WIPF1: variants seen among roughly 807,000 people sequenced by gnomAD.
The protein encoded by WIPF1 is WAS/WASL interacting protein family member 1, also known as WAS/WASL-interacting protein family member 1.
Under a neutral mutation model 35.4 loss-of-function variants are expected in WIPF1, and 13 were observed. The ratio of observed to expected loss-of-function variants is 0.37; its 90% CI spans 0.24 to 0.58. The LOEUF is 0.58. Ranked by LOEUF, WIPF1 falls within the 20% of genes least tolerant of loss-of-function variation. WIPF1 has a pLI of 0.74. For synonymous variants in WIPF1, 267 were observed against 266.3 expected (o/e 1.00, Z -0.02); for missense variants, 591 against 667.0 (o/e 0.89, Z 1.25).
At chr2:174,610,424 C>A (rs577758694) in intron 1 of WIPF1, among the ~76,000 whole-genome samples, 1 of 152,108 alleles carries the variant, frequency 6.6e-6, no homozygotes, top group African/African-American at 2.4e-5. Flanking sequence ...ATGTAAAAAG[C>A]AGCTCCATGA....
intron 1 of WIPF1, among the ~76,000 whole-genome samples, chr2:174,608,592 C>A (rs1686247522): frequency 6.6e-6 from 1 of 151,960 alleles, no homozygotes. Context: ...TATAAGTGGC[C>A]CCCAGGGGAA....
intron 1 of WIPF1, among the ~76,000 whole-genome samples, chr2:174,614,247 G>A (rs1686440145): frequency 6.6e-6 from 1 of 152,166 alleles, no homozygotes; most frequent in South Asian, 2.1e-4. Flanking sequence ...TCCAAGAGCC[G>A]AATGCCGAGC....
intron 1 of WIPF1, among the ~76,000 whole-genome samples, chr2:174,624,521 A>G (rs1686770598): frequency 6.6e-6 from 1 of 152,218 alleles, no homozygotes. Context: ...CCTAGACGCC[A>G]ATCCAAATTT....
intron 1 of WIPF1, among the ~76,000 whole-genome samples, chr2:174,586,002 A>G (rs1685407741): frequency 6.6e-6 from 1 of 152,106 alleles, no homozygotes; most frequent in Non-Finnish European, 1.5e-5. Context: ...TTCCATGACA[A>G]TCCTTTCATG....
chr2:174,597,211 AC>A (rs1197467819), intron 1 of WIPF1, among the ~76,000 whole-genome samples: 1 of 152,216 alleles, frequency 6.6e-6, no homozygotes, highest in African/African-American at 2.4e-5. Context: ...GGCTCCTTGT[AC>A]TTTAAAGCAC....
rs1463533502 is a variant in WIPF1 at position 174,572,374 on chromosome 2, G to T, written c.431C>A (p.Pro144Gln). ...RSTSAKPFSPPSGPGRFPVPS... is the reference protein window; with the variant it reads ...RSTSAKPFSPQSGPGRFPVPS... ...CACAGGAAACCTCCCTGGGCCACTTGGGGGTGAAAAGGGTTTCGCAGATGT... is the reference window on the plus strand; with the variant it reads ...CACAGGAAACCTCCCTGGGCCACTTTGGGGTGAAAAGGGTTTCGCAGATGT... The change falls in exon 5 of 8, where the codon CCA becomes CAA. Residue 144 changes from proline to glutamine, a missense_variant. Pro to Gln is a moderately conservative substitution (Grantham distance 76, BLOSUM62 -1). Around this residue, in one of 3 missense-constraint regions of WIPF1, gnomAD observed 471 missense variants for 501.1 expected, o/e 0.94. Transcript: ENST00000679041. 12 of 1,614,050 alleles carry T rather than the reference G, an allele frequency of 7.4e-6. No homozygotes were observed. The highest frequency in any genetic ancestry group is 1.0e-5 in the Non-Finnish European group (12 of 1,180,022).
intron 1 of WIPF1, among the ~76,000 whole-genome samples, chr2:174,616,378 A>AC (rs1044974083): frequency 6.6e-6 from 1 of 152,134 alleles, no homozygotes; most frequent in Admixed American, 6.5e-5. Context: ...TCTTCACGAG[A>AC]CAGGGAGGCC....
chr2:174,569,742 C>T (rs1372263042), intron 5 of WIPF1, among the ~76,000 whole-genome samples: 1 of 152,132 alleles, frequency 6.6e-6, no homozygotes, highest in Non-Finnish European at 1.5e-5. Flanking sequence ...CTGAGAGGTA[C>T]AGGGATAGGA....
rs751679156 is a variant in WIPF1 at position 174,559,919 on chromosome 2, A to G, written c.*2628T>C. 6.6e-6 allele frequency: 1 copy of G among 152,642 alleles called. No homozygotes were observed. Among genetic ancestry groups the G allele is most frequent in the Non-Finnish European group, 1.5e-5 (1 of 68,008 alleles). 9.5% of individuals were successfully genotyped at this position (152,642 alleles called of 1,614,324 possible). The stretch of plus-strand genomic sequence containing the variant: ...ATAAAAAAAAGTTGATTTCTTTTAA[A>G]TCACAAAGTAAGGCACCATTGGATT... On this transcript the variant is annotated 3_prime_UTR_variant, in exon 8 of 8. Transcript: ENST00000679041.
At chr2:174,634,444 G>C (rs1687123158) in intron 1 of WIPF1, 1 of 152,200 alleles carries the variant, frequency 6.6e-6, no homozygotes, top group Non-Finnish European at 1.5e-5. Context: ...AATCGTTAAA[G>C]ACAGTTCAAG....
At chr2:174,660,318 A>C (rs1023206013) in intron 1 of WIPF1, among the ~76,000 whole-genome samples, 44 of 152,186 alleles carry the variant, frequency 2.9e-4, no homozygotes, top group African/African-American at 1.0e-3. Flanking sequence ...CGTGACCCTA[A>C]GCAGGTTGCC....
At chr2:174,572,497 A>G in intron 4 of WIPF1, 51 bp from the exon 5 acceptor site, 1 of 1,608,938 alleles carries the variant, frequency 6.2e-7, no homozygotes, top group Non-Finnish European at 8.5e-7. Flanking sequence ...ACCCTGAAGA[A>G]ATCAGAGAGC....
Position 174,571,185 on chromosome 2 carries a change from G to A in WIPF1, c.1129+491C>T, listed in dbSNP as rs1684820273. The A allele has an allele frequency of 4.6e-6, 1 of 216,126 alleles. No homozygotes were observed. 13.4% of individuals were successfully genotyped at this position (216,126 alleles called of 1,614,324 possible). On this transcript the variant is annotated intron_variant, in intron 5 of 7. Coordinates refer to ENST00000679041, the MANE Select transcript of WIPF1 (RefSeq NM_001375834.1). This position sits in a 1 kb window ranked among gnomAD's most constrained non-coding sequence, Gnocchi z 4.6. ...AGCAAAATGGACTTTTTAAACATTA[G>A]TCTTTAATGAATAGGGAAATGGCCT...
At chr2:174,673,775 A>C (rs1258854493) in intron 1 of WIPF1, 1 of 152,112 alleles carries the variant, frequency 6.6e-6, no homozygotes, top group African/African-American at 2.4e-5. Context: ...ATTCTTTTTA[A>C]AACAGGACTT....
rs571135647 is a variant in WIPF1, at chr2:174,625,802, T to C, written c.-38-40191A>G. On this transcript the variant is annotated intron_variant, in intron 1 of 8. Transcript: ENST00000272746. ...ACAAAAAGTGACTTCAGAAGTCAAA[T>C]GTAACTCAATAGTCTTACATGCTTA... is the stretch of plus-strand genomic sequence containing the variant. 3.3e-5 allele frequency: 5 copies of C among 152,318 alleles called. No homozygotes were observed. In the South Asian group the frequency reaches 1.0e-3, roughly 32 times the overall value. The allele number at this position is 152,318 out of a possible 1,614,324, so 9.4% of individuals were successfully genotyped here.
intron 1 of WIPF1, among the ~76,000 whole-genome samples, chr2:174,611,033 G>C (rs1686327512): frequency 3.9e-5 from 6 of 152,188 alleles, no homozygotes; most frequent in Non-Finnish European, 8.8e-5. Flanking sequence ...AGCTGTGCTA[G>C]GGCTCCATGC....
chr2:174,581,285 T>A, intron 3 of WIPF1, 25 bp downstream of exon 3: 1 of 1,613,274 alleles, frequency 6.2e-7, no homozygotes. Context: ...TTCCTCTCCA[T>A]GGTAGATAGC....
At chr2:174,597,563 A>G (rs1355780966) in intron 1 of WIPF1, 38 bp downstream of exon 1, 1 of 152,626 alleles carries the variant, frequency 6.6e-6, no homozygotes. Context: ...TGTAGCTGAT[A>G]AATGAAATAA....
At chr2:174,602,046 T>A (rs765018379), upstream of WIPF1, among the ~76,000 whole-genome samples, 2 of 152,202 alleles carry the variant, frequency 1.3e-5, no homozygotes, top group Admixed American at 6.5e-5. Flanking sequence ...GATAAGTGGA[T>A]TGAAAGCCTG....
Sources: gnomAD v4.1 joint callset for allele counts (sites outside exome capture counted in the v4.1 genomes callset) on GRCh38, gnomAD v4.1.1 for gene constraint, gnomAD v4.1.1 regional missense constraint, Gnocchi (gnomAD v3.1) non-coding constraint, MANE v1.5 for transcripts, NCBI Gene and HGNC (gene_info 2026-07-23, HGNC 2026-07-21) for gene names.